Variants in OR1J2 observed in about 807,000 individuals in gnomAD.
OR1J2 encodes the protein olfactory receptor family 1 subfamily J member 2, also known as olfactory receptor 1J2.
For synonymous variants in OR1J2, 142 were observed against 99.7 expected, an observed-to-expected ratio of 1.42 and a Z score of -2.52; for missense variants, 304 against 246.1, an observed-to-expected ratio of 1.24 and a Z score of -1.57.
At chr9:122,575,137 G>C in the OR1J2 span, among the ~76,000 whole-genome samples, 1 of 152,048 alleles carries the variant, frequency 6.6e-6, no homozygotes, top group African/African-American at 2.4e-5. Context: ...ATGTTTATGA[G>C]AGATACAGGT....
chr9:122,579,273 T>G, the OR1J2 span, among the ~76,000 whole-genome samples: 4 of 152,082 alleles, frequency 2.6e-5, no homozygotes, highest in Non-Finnish European at 2.9e-5. Context: ...AATTTTAACA[T>G]AAATTTGAAA....
chr9:122,528,612 A>G, the OR1J2 span, among the ~76,000 whole-genome samples: 1 of 152,198 alleles, frequency 6.6e-6, no homozygotes, highest in Non-Finnish European at 1.5e-5. Context: ...AAATAAATAA[A>G]TAAAGATAAA....
chr9:122,517,377 T>C, the OR1J2 span, among the ~76,000 whole-genome samples: 1 of 152,180 alleles, frequency 6.6e-6, no homozygotes, highest in African/African-American at 2.4e-5. Context: ...CATTCGGAAC[T>C]CTGTTATGTT....
the OR1J2 span, among the ~76,000 whole-genome samples, chr9:122,571,096 C>T: frequency 6.6e-6 from 1 of 152,088 alleles, no homozygotes; most frequent in South Asian, 2.1e-4. Context: ...ACAGAATTAC[C>T]CTCTTGCCAC....
At chr9:122,519,288 C>A in the OR1J2 span, 1 of 1,614,000 alleles carries the variant, frequency 6.2e-7, no homozygotes, top group Non-Finnish European at 8.5e-7. Flanking sequence ...CCTGCTCATC[C>A]GGCTGGACTC....
At chr9:122,465,020 T>C in the OR1J2 span, among the ~76,000 whole-genome samples, 3 of 152,168 alleles carry the variant, frequency 2.0e-5, no homozygotes, top group African/African-American at 7.2e-5. Context: ...TCTAAACATC[T>C]TTTGAAAGAA....
At chr9:122,487,196 A>G in the OR1J2 span, among the ~76,000 whole-genome samples, 1 of 152,202 alleles carries the variant, frequency 6.6e-6, no homozygotes, top group Admixed American at 6.5e-5. Flanking sequence ...ACATAATAGG[A>G]AATTGCATGT....
the OR1J2 span, among the ~76,000 whole-genome samples, chr9:122,538,165 CCTGCCT>C: frequency 3.7e-4 from 56 of 151,782 alleles, no homozygotes; most frequent in South Asian, 0.011. Context: ...TCCCCCTGCC[CCTGCCT>C]GGTACAAGTT....
the OR1J2 span, among the ~76,000 whole-genome samples, chr9:122,532,606 A>G: frequency 2.8e-5 from 4 of 145,110 alleles, no homozygotes; most frequent in Admixed American, 1.4e-4. Flanking sequence ...AGCAGACTGT[A>G]TATGCATCAG....
At chr9:122,565,460 G>A in the OR1J2 span, among the ~76,000 whole-genome samples, 1 of 152,172 alleles carries the variant, frequency 6.6e-6, no homozygotes, top group Admixed American at 6.5e-5. Flanking sequence ...GGCAGGGATG[G>A]AGGTTATGTA....
At chr9:122,572,256 C>T in the OR1J2 span, among the ~76,000 whole-genome samples, 2 of 152,210 alleles carry the variant, frequency 1.3e-5, no homozygotes, top group East Asian at 1.9e-4. Context: ...GACATTTGGG[C>T]GGGGACACAG....
chr9:122,464,684 GGGTA>G, the OR1J2 span, among the ~76,000 whole-genome samples: 1 of 152,172 alleles, frequency 6.6e-6, no homozygotes, highest in Non-Finnish European at 1.5e-5. Flanking sequence ...GTGAGGAACT[GGGTA>G]GGTAACCACA....
chr9:122,567,890 A>C, the OR1J2 span: 1 of 1,614,074 alleles, frequency 6.2e-7, no homozygotes, highest in African/African-American at 1.3e-5. Flanking sequence ...GCACAATTTC[A>C]TTGACAAATA....
the OR1J2 span, among the ~76,000 whole-genome samples, chr9:122,539,271 C>G: frequency 6.6e-6 from 1 of 152,116 alleles, no homozygotes; most frequent in Admixed American, 6.5e-5. Context: ...TTCCCACCCC[C>G]ACCCCACAAC....
chr9:122,448,964 G>A, the OR1J2 span: 1 of 120,892 alleles, frequency 8.3e-6, no homozygotes, highest in Non-Finnish European at 1.7e-5. Flanking sequence ...AGAGCAAGAC[G>A]CCGTGTCTAC....
chr9:122,513,538 T>A (rs1304153813), downstream of OR1J2, among the ~76,000 whole-genome samples: 5 of 151,926 alleles, frequency 3.3e-5, no homozygotes, highest in East Asian at 5.8e-4. Context: ...TTTTTTTTTT[T>A]ATTTTACTTT....
At chr9:122,489,133 C>T in the OR1J2 span, among the ~76,000 whole-genome samples, 1 of 151,788 alleles carries the variant, frequency 6.6e-6, no homozygotes, top group Admixed American at 6.6e-5. Context: ...CCACATCAGA[C>T]ACTGTAATGA....
the OR1J2 span, among the ~76,000 whole-genome samples, chr9:122,534,152 G>GT: frequency 2.0e-5 from 3 of 152,194 alleles, no homozygotes; most frequent in Non-Finnish European, 4.4e-5. Flanking sequence ...CGGTTTAGGC[G>GT]TTTGGAAGTT....
the OR1J2 span, among the ~76,000 whole-genome samples, chr9:122,562,181 T>C: frequency 9.2e-5 from 14 of 152,222 alleles, no homozygotes; most frequent in Non-Finnish European, 5.9e-5. Flanking sequence ...TCTCCCTGGC[T>C]CGGCAGGGGA....
Sources: gnomAD v4.1 joint callset for allele counts (sites outside exome capture counted in the v4.1 genomes callset) on GRCh38, gnomAD v4.1.1 for gene constraint, MANE v1.5 for transcripts, NCBI Gene and HGNC (gene_info 2026-07-23, HGNC 2026-07-21) for gene names.